The following COL22A1 variants were observed in gnomAD, a reference collection of about 807,000 sequenced individuals.
The protein encoded by COL22A1 is collagen type XXII alpha 1 chain.
A neutral mutation model predicts 248.9 loss-of-function variants in COL22A1; 221 were observed. That is an observed-to-expected ratio of 0.89 (90% CI 0.80 to 0.99). COL22A1 has a LOEUF of 0.99. Ranked by LOEUF, COL22A1 falls within the 50% of genes least tolerant of loss-of-function variation. The pLI is 0.00. For missense variants in COL22A1, 2,240 were observed against 2,179.0 expected, an observed-to-expected ratio of 1.03 and a Z score of -0.56; for synonymous variants, 891 against 793.4, an observed-to-expected ratio of 1.12 and a Z score of -2.07.
chr8:138,834,243 C>CA (rs1820268312), intron 4 of COL22A1, among the ~76,000 whole-genome samples: 2 of 151,860 alleles, frequency 1.3e-5, no homozygotes, highest in African/African-American at 4.8e-5. Context: ...TGTGCCCCCC[C>CA]AGGGATAATA....
chr8:138,868,407 G>A lies in COL22A1; in HGVS notation c.658+9343C>T, dbSNP rs554713874. ...GCTACCCTACCCAACAGCATACAGG[G>A]GTATATAATACATGTATGGTATTGC... On this transcript the variant is annotated intron_variant, in intron 3 of 64. Transcript: ENST00000303045. Among the ~76,000 whole-genome samples, 3 of 152,136 alleles carry A rather than the reference G, an allele frequency of 2.0e-5. No individual in the cohort carries two copies. The South Asian group carries it at 6.2e-4, about 32-fold the overall frequency.
chr8:138,784,824 C>T (rs1348650718), intron 12 of COL22A1, among the ~76,000 whole-genome samples: 1 of 152,114 alleles, frequency 6.6e-6, no homozygotes, highest in Non-Finnish European at 1.5e-5. Flanking sequence ...AGCTGATTAG[C>T]TCTAATCTAA....
chr8:138,732,274 C>T (rs569017377), intron 23 of COL22A1, among the ~76,000 whole-genome samples: 4 of 152,314 alleles, frequency 2.6e-5, no homozygotes, highest in East Asian at 1.9e-4. Context: ...AAGAATAAAA[C>T]GCAAGAAGCG....
chr8:138,763,611 C>T (rs1344976456), intron 16 of COL22A1, among the ~76,000 whole-genome samples: 1 of 152,084 alleles, frequency 6.6e-6, no homozygotes, highest in African/African-American at 2.4e-5. Flanking sequence ...GTGGGGCAGA[C>T]ACTCCAAATG....
At chr8:138,764,446 T>C (rs1833762808) in intron 16 of COL22A1, among the ~76,000 whole-genome samples, 1 of 152,186 alleles carries the variant, frequency 6.6e-6, no homozygotes, top group Non-Finnish European at 1.5e-5. Flanking sequence ...AGGAAACCAG[T>C]GAATCACTGA....
chr8:138,609,734 CAG>C (rs1187133352), intron 56 of COL22A1, among the ~76,000 whole-genome samples: 1 of 151,772 alleles, frequency 6.6e-6, no homozygotes, highest in African/African-American at 2.4e-5. Flanking sequence ...CAAGACATTG[CAG>C]AGAGGATAAG....
chr8:138,692,253 T>TATGCGC (rs1827093911), intron 35 of COL22A1, among the ~76,000 whole-genome samples: 1 of 133,056 alleles, frequency 7.5e-6, no homozygotes, highest in Non-Finnish European at 1.7e-5. Context: ...TGGACGTATG[T>TATGCGC]GTGCGTGTGT....
At chr8:138,713,384 T>C (rs1829178356) in intron 30 of COL22A1, among the ~76,000 whole-genome samples, 1 of 152,138 alleles carries the variant, frequency 6.6e-6, no homozygotes, top group Non-Finnish European at 1.5e-5. Context: ...AATGACTTCA[T>C]AGTTCATTGT....
intron 63 of COL22A1, among the ~76,000 whole-genome samples, chr8:138,591,859 T>A (rs1337293104): frequency 3.9e-5 from 6 of 152,306 alleles, no homozygotes; most frequent in Admixed American, 3.3e-4. Flanking sequence ...ATACATACAC[T>A]CATATTCACA....
chr8:138,662,971 G>A (rs958682753), intron 42 of COL22A1, among the ~76,000 whole-genome samples: 10 of 139,596 alleles, frequency 7.2e-5, no homozygotes, highest in Non-Finnish European at 1.1e-4. Context: ...AGCCAAGGTC[G>A]TGCCACTGTA....
At chr8:138,607,866 T>C in intron 57 of COL22A1, 70 bp downstream of exon 57, 1 of 1,414,166 alleles carries the variant, frequency 7.1e-7, no homozygotes, top group Non-Finnish European at 1.0e-6. Flanking sequence ...CTGGACAATC[T>C]GTAATGTGAT....
intron 30 of COL22A1, among the ~76,000 whole-genome samples, chr8:138,707,857 C>G (rs1828603966): frequency 6.6e-6 from 1 of 152,160 alleles, no homozygotes. Context: ...TCCCTGTTTG[C>G]AGATGACATG....
intron 50 of COL22A1, among the ~76,000 whole-genome samples, chr8:138,626,482 T>A (rs1820249300): frequency 6.6e-6 from 1 of 152,214 alleles, no homozygotes. Context: ...CTGGCCATAT[T>A]ATTAATACAG....
chr8:138,879,712 A>AGAAG (rs1554652802), intron 2 of COL22A1, among the ~76,000 whole-genome samples: 4 of 83,160 alleles, frequency 4.8e-5, no homozygotes, highest in African/African-American at 1.5e-4. Context: ...AAAAAAAAAA[A>AGAAG]AAGAAGAAGA....
intron 3 of COL22A1, among the ~76,000 whole-genome samples, chr8:138,847,963 G>A (rs908537487): frequency 1.3e-5 from 2 of 152,170 alleles, no homozygotes; most frequent in South Asian, 4.1e-4. Flanking sequence ...GATGTCTAAG[G>A]ACAATTAATG....
chr8:138,861,790 A>G (rs551936875), intron 3 of COL22A1, among the ~76,000 whole-genome samples: 1 of 152,236 alleles, frequency 6.6e-6, no homozygotes, highest in African/African-American at 2.4e-5. Flanking sequence ...CTCTTGGTCA[A>G]ACTGCTCCAA....
chr8:138,782,592 G>A (rs998050087), intron 12 of COL22A1, among the ~76,000 whole-genome samples: 25 of 151,864 alleles, frequency 1.6e-4, no homozygotes, highest in Admixed American at 1.6e-3. Context: ...CTTGAACCAG[G>A]GAGGTGAAGG....
intron 16 of COL22A1, among the ~76,000 whole-genome samples, chr8:138,775,350 C>A (rs1814328014): frequency 6.6e-6 from 1 of 152,216 alleles, no homozygotes; most frequent in Non-Finnish European, 1.5e-5. Flanking sequence ...ACAATGTCAG[C>A]ACATATGGCG....
At position 138,721,073 on chromosome 8, in the gene COL22A1, A is replaced by G. The variant is rs540384668; in HGVS notation, c.2302-281T>C. ...GATTTAGAAGAAAGGAAGATGTTGC[A>G]TAAGTGTTTCTAAGAATAAAAAAAA... On this transcript the variant is annotated intron_variant, in intron 26 of 64. Coordinates refer to ENST00000303045, the MANE Select transcript of COL22A1 (RefSeq NM_152888.3). Among the ~76,000 whole-genome samples the G allele has an allele frequency of 3.3e-5, 5 of 152,348 alleles. No individual in the cohort carries two copies. The South Asian group carries it at 8.3e-4, about 25-fold the overall frequency.
Sources: allele counts gnomAD v4.1 joint callset (sites outside exome capture counted in the v4.1 genomes callset), GRCh38; gene constraint gnomAD v4.1.1; transcripts MANE v1.5; gene names NCBI Gene and HGNC (gene_info 2026-07-23, HGNC 2026-07-21).